The following SCUBE1 variants were observed in gnomAD, a reference collection of about 807,000 sequenced individuals.
The protein encoded by SCUBE1 is signal peptide, CUB and EGF-like domain-containing protein 1.
SCUBE1 carries 59 observed loss-of-function variants against 124.4 expected under a neutral mutation model. The observed-to-expected ratio is 0.47, with a 90% CI of 0.38 to 0.59. The LOEUF (loss-of-function observed/expected upper bound fraction) is 0.59. Among genes scored for constraint, SCUBE1 ranks in the 20% least tolerant of loss-of-function variants. The pLI, the probability that SCUBE1 is intolerant of heterozygous loss-of-function variation, is 0.00. For missense variants in SCUBE1, 1,150 were observed against 1,371.2 expected (o/e 0.84, Z 2.55); for synonymous variants, 545 against 550.9 (o/e 0.99, Z 0.15).
chr22:43,227,272 G>A, intron 10 of SCUBE1, 102 bp downstream of exon 10: 2 of 1,345,410 alleles, frequency 1.5e-6, no homozygotes, highest in Non-Finnish European at 2.0e-6. Context: ...CTAGAGGAAA[G>A]GGAGGGGCTG....
Position 43,214,120 on chromosome 22 carries a change from G to A in SCUBE1, c.2023C>T (p.Pro675Ser), listed in dbSNP as rs1018728305. Residue 675 changes from proline to serine, a missense_variant, in exon 16 of 22, where the codon CCT becomes TCT. By Grantham distance (74) the Pro-to-Ser change is moderately conservative (BLOSUM62 -1). Around this residue, in one of 3 missense-constraint regions of SCUBE1, gnomAD observed 757 missense variants for 840.9 expected, o/e 0.90. Coordinates refer to ENST00000360835, the MANE Select transcript of SCUBE1 (RefSeq NM_173050.5). ...CATTCCGACACGTTGCGGGCACCAG[G>A]CAGACCAAGCCCGTCGCTGCTGGGG... ...PCPSSDGLGL[P>S]GARNVSECGG... 6.3e-7 allele frequency: 1 copy of A among 1,578,618 alleles called. No homozygotes were observed. Among genetic ancestry groups the A allele is most frequent in the East Asian group, 2.4e-5 (1 of 42,246 alleles).
rs771979654 is a variant in SCUBE1, at chr22:43,229,088, C to G, written c.1068G>C (p.Gly356=). The change falls in exon 9 of 22, where the codon GGG becomes GGC. Residue 356 remains glycine, a synonymous_variant. Coordinates refer to ENST00000360835, the MANE Select transcript of SCUBE1 (RefSeq NM_173050.5). ...CLCHRGYILY[G]TTHCGDVDEC... Reference sequence around the variant, plus strand: ...GCTGCAGACCTCCGCAGTGGGTTGTCCCGTAGAGGATGTAGCCGCGGTGAC... The same window carrying G: ...GCTGCAGACCTCCGCAGTGGGTTGTGCCGTAGAGGATGTAGCCGCGGTGAC... The G allele has an allele frequency of 3.0e-5, 48 of 1,612,878 alleles. No individual in the cohort carries two copies. Among genetic ancestry groups the G allele is most frequent in the Non-Finnish European group, 4.0e-5 (47 of 1,179,570 alleles).
At chr22:43,324,623 A>C (rs1926662267) in intron 2 of SCUBE1, among the ~76,000 whole-genome samples, 2 of 152,146 alleles carry the variant, frequency 1.3e-5, no homozygotes, top group African/African-American at 4.8e-5. Context: ...AAATTTGCCA[A>C]AGCAAGTGGA....
intron 2 of SCUBE1, among the ~76,000 whole-genome samples, chr22:43,334,230 C>T (rs1926991248): frequency 6.6e-6 from 1 of 152,186 alleles, no homozygotes; most frequent in Admixed American, 6.5e-5. Context: ...GGCATATTTG[C>T]CATCCCCGAA....
rs1921614485 is a variant in SCUBE1, at chr22:43,212,559, C to G, written c.2087G>C (p.Gly696Ala). 6.4e-7 allele frequency: 1 copy of G among 1,566,058 alleles called. No individual in the cohort carries two copies. Among genetic ancestry groups the G allele is most frequent in the Non-Finnish European group, 8.6e-7 (1 of 1,156,610 alleles). Residue 696 changes from glycine to alanine, a missense_variant, in exon 17 of 22, where the codon GGC becomes GCC. This residue lies in a region of SCUBE1 where 757 missense variants were observed against 840.9 expected (regional missense o/e 0.90). Transcript: ENST00000360835. ...QCSPGFFSAD[G>A]FKPCQACPVG... is the part of the protein sequence containing the mutation. ...GGGGCAGGCCTGGCAGGGCTTGAAG[C>G]CATCGGCCGAGAAGAAGCCTGGAGA... is the stretch of plus-strand genomic sequence containing the variant.
chr22:43,286,318 C>T (rs1925140501), intron 4 of SCUBE1, among the ~76,000 whole-genome samples: 1 of 152,256 alleles, frequency 6.6e-6, no homozygotes, highest in Non-Finnish European at 1.5e-5. Context: ...GGCCACTGGG[C>T]CTGAAGCCCC....
At position 43,339,128 on chromosome 22, in the gene SCUBE1, T is replaced by C; in HGVS notation, c.196A>G (p.Lys66Glu). 1 of 1,613,792 alleles carries C rather than the reference T, an allele frequency of 6.2e-7. No homozygotes were observed. Among genetic ancestry groups the C allele is most frequent in the Non-Finnish European group, 8.5e-7 (1 of 1,179,750 alleles). Residue 66 changes from lysine (K) to glutamate (E), a missense_variant, in exon 2 of 22, where the codon AAG (lysine) becomes GAG (glutamate). Around this residue, in one of 3 missense-constraint regions of SCUBE1, gnomAD observed 337 missense variants for 482.1 expected, o/e 0.70. Transcript: ENST00000360835. ...CCTTCACACTGCTTGCCTTCCCCCT[T>C]GTAGCCTGGCTTGCAGAGGCATTTG... ...SYKCLCKPGY[K>E]GEGKQCEDID...
chr22:43,240,254 C>A (rs1302092314), intron 6 of SCUBE1, among the ~76,000 whole-genome samples: 1 of 152,182 alleles, frequency 6.6e-6, no homozygotes, highest in Non-Finnish European at 1.5e-5. Context: ...CTCTTCCTGG[C>A]TCGTCCTCTG....
chr22:43,243,523 G>A (rs1346472309), intron 6 of SCUBE1, among the ~76,000 whole-genome samples: 2 of 152,254 alleles, frequency 1.3e-5, no homozygotes, highest in Non-Finnish European at 1.5e-5. Flanking sequence ...AAGCAGGGGC[G>A]AGGACAAAAG....
At chr22:43,233,898 C>G (rs533479486) in intron 7 of SCUBE1, among the ~76,000 whole-genome samples, 2 of 151,638 alleles carry the variant, frequency 1.3e-5, no homozygotes, top group African/African-American at 4.8e-5. Context: ...CTGGGAGCCT[C>G]GGGGAGGGAC....
At chr22:43,313,463 AATT>A (rs1569026498) in intron 3 of SCUBE1, among the ~76,000 whole-genome samples, 1 of 152,242 alleles carries the variant, frequency 6.6e-6, no homozygotes, top group Non-Finnish European at 1.5e-5. Flanking sequence ...GACGGGAAGA[AATT>A]ATCCACTGCT....
chr22:43,333,912 G>C (rs772141953), intron 2 of SCUBE1, among the ~76,000 whole-genome samples: 1 of 152,220 alleles, frequency 6.6e-6, no homozygotes, highest in Admixed American at 6.5e-5. Context: ...ATGTAGCAGG[G>C]TGTCTGGAAG....
At chr22:43,223,360 A>G in intron 10 of SCUBE1, 144 bp from the exon 11 acceptor site, 1 of 864,154 alleles carries the variant, frequency 1.2e-6, no homozygotes, top group Middle Eastern at 2.6e-4. Context: ...AGGCGCCTGG[A>G]GATCGCAGGT....
At chr22:43,220,781 G>A (rs111397122) in intron 13 of SCUBE1, among the ~76,000 whole-genome samples, 194 bp from the exon 14 acceptor site, 3 of 152,270 alleles carry the variant, frequency 2.0e-5, no homozygotes, top group African/African-American at 2.4e-5. Context: ...TCTCACGCCC[G>A]GTCCATCACG....
chr22:43,285,807 C>G (rs958396509), intron 4 of SCUBE1, among the ~76,000 whole-genome samples: 2 of 152,216 alleles, frequency 1.3e-5, no homozygotes, highest in Non-Finnish European at 1.5e-5. Flanking sequence ...TGGAGGGCTG[C>G]CCCGAGGCCA....
intron 3 of SCUBE1, among the ~76,000 whole-genome samples, chr22:43,305,823 AG>A (rs1925947950): frequency 1.3e-5 from 2 of 152,148 alleles, no homozygotes; most frequent in Non-Finnish European, 1.5e-5. Flanking sequence ...AGCACCTGGG[AG>A]GTTACTAAAG....
intron 8 of SCUBE1, among the ~76,000 whole-genome samples, chr22:43,231,341 C>T (rs1170143663): frequency 6.6e-6 from 1 of 152,228 alleles, no homozygotes; most frequent in Non-Finnish European, 1.5e-5. Context: ...CTGCCCAGAC[C>T]CCTCCTCATT....
chr22:43,317,232 G>A (rs1377827505), intron 3 of SCUBE1: 2 of 152,318 alleles, frequency 1.3e-5, no homozygotes, highest in Non-Finnish European at 2.9e-5. Context: ...AAAGGCAGCC[G>A]AGTCAGCTGG....
intron 14 of SCUBE1, 93 bp from the exon 15 acceptor site, chr22:43,218,551 C>T: frequency 7.4e-7 from 1 of 1,342,658 alleles, no homozygotes; most frequent in Non-Finnish European, 1.0e-6. Context: ...AGGCCCTGCA[C>T]TGGGCTCGGA....
Sources: allele counts gnomAD v4.1 joint callset (sites outside exome capture counted in the v4.1 genomes callset), GRCh38; gene constraint gnomAD v4.1.1; regional missense constraint gnomAD v4.1.1; transcripts MANE v1.5; gene names NCBI Gene and HGNC (gene_info 2026-07-23, HGNC 2026-07-21).